RNF216: variants seen among roughly 807,000 people sequenced by gnomAD.
RNF216 encodes the protein ring finger protein 216.
In RNF216, 72 loss-of-function variants were observed where a neutral mutation model predicts 110.8. The observed-to-expected ratio is 0.65, with a 90% CI of 0.54 to 0.79. RNF216 has a LOEUF of 0.79. Among genes scored for constraint, RNF216 ranks in the 30% least tolerant of loss-of-function variants. RNF216 has a pLI of 0.00. For missense variants in RNF216, 1,342 were observed against 1,141.2 expected (o/e 1.18, Z -2.54); for synonymous variants, 495 against 407.5 (o/e 1.21, Z -2.59).
In RNF216 at chr7:5,683,295, A is replaced by G. The variant is rs550683268; in HGVS notation, c.2061+28466T>C. Among the ~76,000 whole-genome samples the G allele has an allele frequency of 5.9e-5, 9 of 151,820 alleles. No individual in the cohort carries two copies. In the East Asian group the frequency reaches 1.7e-3, roughly 29 times the overall value. ...AAGGGGAAACAAAAGACCTTGCTGGATTTTGTTTTATTTTTAAAGAGACAG... is the reference window on the plus strand; with the variant it reads ...AAGGGGAAACAAAAGACCTTGCTGGGTTTTGTTTTATTTTTAAAGAGACAG... On this transcript the variant is annotated intron_variant, in intron 13 of 16. Coordinates refer to ENST00000389902, the MANE Select transcript of RNF216 (RefSeq NM_207111.4).
chr7:5,761,985 G>C (rs1181774553), intron 1 of RNF216, among the ~76,000 whole-genome samples: 1 of 152,098 alleles, frequency 6.6e-6, no homozygotes, highest in African/African-American at 2.4e-5. Flanking sequence ...AGGTATATCA[G>C]CTAAAGAAAC....
At chr7:5,776,672 C>T (rs1796796747) in intron 1 of RNF216, among the ~76,000 whole-genome samples, 1 of 148,542 alleles carries the variant, frequency 6.7e-6, no homozygotes, top group Non-Finnish European at 1.5e-5. Context: ...CCATATCAAG[C>T]TAAAGTGAGA....
At chr7:5,626,678 A>G (rs10227325) in intron 15 of RNF216, among the ~76,000 whole-genome samples, 10,374 of 151,966 alleles carry the variant, frequency 0.068, 1,162 homozygotes, top group African/African-American at 0.24. Flanking sequence ...GTTAAAAAAA[A>G]AAAAAAGGAA....
intron 13 of RNF216, among the ~76,000 whole-genome samples, chr7:5,688,327 A>G (rs534036961): frequency 6.6e-6 from 1 of 152,346 alleles, no homozygotes; most frequent in Non-Finnish European, 1.5e-5. Context: ...TCTGGAAATC[A>G]TAAACAAGGG....
chr7:5,661,853 CAATT>C (rs1015731304), intron 13 of RNF216, among the ~76,000 whole-genome samples: 4 of 152,236 alleles, frequency 2.6e-5, no homozygotes, highest in Admixed American at 2.6e-4. Flanking sequence ...TCAGAGGGTC[CAATT>C]AATTTGGTCG....
At chr7:5,698,404 C>CACACACACACACACACACAT (rs1791760183) in intron 13 of RNF216, among the ~76,000 whole-genome samples, 1 of 147,588 alleles carries the variant, frequency 6.8e-6, no homozygotes, top group South Asian at 2.1e-4. Context: ...CACACACACA[C>CACACACACACACACACACAT]ACACACACAC....
In RNF216 at chr7:5,622,764, G is replaced by T; in HGVS notation, c.*96C>A. The T allele has an allele frequency of 3.3e-6, 4 of 1,226,484 alleles. No individual in the cohort carries two copies. Among genetic ancestry groups the T allele is most frequent in the Non-Finnish European group, 4.5e-6 (4 of 880,628 alleles). The allele number at this position is 1,226,484 out of a possible 1,614,324, so 76.0% of individuals were successfully genotyped here. A position where few individuals can be genotyped will look rare whatever the true frequency, so the allele number is the denominator to read the frequency against. On this transcript the variant is annotated 3_prime_UTR_variant, in exon 17 of 17. Transcript: ENST00000389902. ...CAGCCTACCCTTCAAGCTGACTTAG[G>T]ATGCAATGGTACAGACACCAGCCTT...
At position 5,696,294 on chromosome 7, in the gene RNF216, A is replaced by T. The variant is rs1791623035; in HGVS notation, c.2061+15467T>A. Among the ~76,000 whole-genome samples, 1 of 152,244 alleles carries T rather than the reference A, an allele frequency of 6.6e-6. No individual in the cohort carries two copies. Reference sequence around the variant, plus strand: ...AAAGGAGAATTAAGCAATTCTCTGTATGCACATCACAGAGAAATTAAGCTG... The same window carrying T: ...AAAGGAGAATTAAGCAATTCTCTGTTTGCACATCACAGAGAAATTAAGCTG... On this transcript the variant is annotated intron_variant, in intron 13 of 16. Coordinates refer to ENST00000389902, the MANE Select transcript of RNF216 (RefSeq NM_207111.4). The surrounding 1 kb of genome is among the most constrained non-coding windows in gnomAD (Gnocchi z 5.4).
intron 14 of RNF216, among the ~76,000 whole-genome samples, chr7:5,650,701 T>C (rs1160433455): frequency 6.6e-6 from 1 of 152,196 alleles, no homozygotes; most frequent in Non-Finnish European, 1.5e-5. Context: ...CTCACGTTTG[T>C]TTGACTCTTC....
At position 5,761,119 on chromosome 7, in the gene RNF216, G is replaced by A; in HGVS notation, c.-50C>T. On this transcript the variant is annotated 5_prime_UTR_variant, in exon 2 of 17. Transcript: ENST00000389902. ...GGGACTGCTAATATCTAAACATGGT[G>A]ACCATCTGTTTCAAAAGAACTGAAA... The A allele has an allele frequency of 1.6e-6, 2 of 1,262,748 alleles. No homozygotes were observed. Among genetic ancestry groups the A allele is most frequent in the Non-Finnish European group, 1.1e-6 (1 of 903,920 alleles). 78.2% of individuals were successfully genotyped at this position (1,262,748 alleles called of 1,614,324 possible).
rs189079523 is a variant in RNF216, at chr7:5,634,479, T to A, written c.2382+6675A>T. ...GACCCTTAGCCCCCACCCCTTGCTG[T>A]CCCCAGCAACAGGAAGTTGGGGGAG... On this transcript the variant is annotated intron_variant, in intron 15 of 16. Transcript: ENST00000389902. Among the ~76,000 whole-genome samples, 40 of 152,252 alleles carry A rather than the reference T, an allele frequency of 2.6e-4. No homozygotes were observed. The East Asian group carries it at 5.2e-3, about 20-fold the overall frequency.
intron 1 of RNF216, among the ~76,000 whole-genome samples, chr7:5,776,534 G>A (rs1193325575): frequency 6.8e-6 from 1 of 146,086 alleles, no homozygotes; most frequent in East Asian, 2.1e-4. Flanking sequence ...GGCGGAGCTT[G>A]CAGTGAGCTA....
chr7:5,625,311 G>C (rs544105452), intron 15 of RNF216, among the ~76,000 whole-genome samples: 1 of 152,344 alleles, frequency 6.6e-6, no homozygotes, highest in South Asian at 2.1e-4. Flanking sequence ...TATCGTGAGA[G>C]GATTAGCAAG....
intron 1 of RNF216, among the ~76,000 whole-genome samples, chr7:5,774,453 A>T (rs1228318061): frequency 6.6e-6 from 1 of 152,190 alleles, no homozygotes; most frequent in East Asian, 1.9e-4. Context: ...AAAATTCATT[A>T]ATTTTAAAAA....
At chr7:5,673,929 C>G (rs987888652) in intron 13 of RNF216, among the ~76,000 whole-genome samples, 17 of 146,952 alleles carry the variant, frequency 1.2e-4, no homozygotes. Flanking sequence ...GGCATGATCT[C>G]TGCTCACTGC....
rs755307614 is a variant in RNF216 at position 5,730,702 on chromosome 7, A to C, written c.1224+13T>G. ...TCCAGGCAGTGACTGCAAAACATGA[A>C]CATGACACTTGCCTTTGTCTCATCT... is the stretch of plus-strand genomic sequence containing the variant. On this transcript the variant is annotated intron_variant, in intron 6 of 16. Coordinates refer to ENST00000389902, the MANE Select transcript of RNF216 (RefSeq NM_207111.4). 3.1e-6 allele frequency: 5 copies of C among 1,598,536 alleles called. No individual in the cohort carries two copies. Among genetic ancestry groups the C allele is most frequent in the South Asian group, 1.1e-5 (1 of 89,802 alleles).
chr7:5,623,223 C>T, intron 16 of RNF216, 44 bp from the exon 17 acceptor site: 2 of 1,509,102 alleles, frequency 1.3e-6, no homozygotes, highest in Non-Finnish European at 1.8e-6. Context: ...ATTAAACCAA[C>T]CTCAATGGAA....
At chr7:5,630,990 G>A (rs986566466) in intron 15 of RNF216, among the ~76,000 whole-genome samples, 3 of 152,080 alleles carry the variant, frequency 2.0e-5, no homozygotes, top group Non-Finnish European at 2.9e-5. Flanking sequence ...CACTGCTGTC[G>A]GGCTGGGAGC....
chr7:5,686,561 C>A (rs534926074), intron 13 of RNF216, among the ~76,000 whole-genome samples: 8 of 152,326 alleles, frequency 5.3e-5, no homozygotes, highest in East Asian at 1.9e-4. Context: ...GTACAATGCA[C>A]GCCAGTGTTC....
Sources: gnomAD v4.1 joint callset for allele counts (sites outside exome capture counted in the v4.1 genomes callset) on GRCh38, gnomAD v4.1.1 for gene constraint, Gnocchi (gnomAD v3.1) non-coding constraint, MANE v1.5 for transcripts, NCBI Gene and HGNC (gene_info 2026-07-23, HGNC 2026-07-21) for gene names.